The following EYS variants were observed in gnomAD, a reference collection of about 807,000 sequenced individuals.
EYS encodes protein eyes shut homolog.
EYS carries 250 observed loss-of-function variants against 282.1 expected under a neutral mutation model. The ratio of observed to expected loss-of-function variants is 0.89; its 90% CI spans 0.80 to 0.98. The LOEUF (loss-of-function observed/expected upper bound fraction) is 0.98, where lower values mean the gene tolerates loss of function less well. Among genes scored for constraint, EYS ranks in the 50% least tolerant of loss-of-function variants. The pLI is 0.00. For missense variants in EYS, 4,016 were observed against 3,709.0 expected (o/e 1.08, Z -2.15); for synonymous variants, 1,355 against 1,282.9 (o/e 1.06, Z -1.20).
At chr6:65,194,682 G>C (rs550977620) in intron 12 of EYS, among the ~76,000 whole-genome samples, 32 of 152,014 alleles carry the variant, frequency 2.1e-4, no homozygotes, top group African/African-American at 7.7e-4. Flanking sequence ...TGTGAGGAGG[G>C]AGAATTCCTT....
At chr6:65,611,212 C>A (rs1765987746) in intron 2 of EYS, among the ~76,000 whole-genome samples, 1 of 151,252 alleles carries the variant, frequency 6.6e-6, no homozygotes, top group African/African-American at 2.4e-5. Context: ...CTTGGCTACC[C>A]TTCCTTGGTA....
intron 13 of EYS, among the ~76,000 whole-genome samples, chr6:65,010,997 C>T (rs1771848531): frequency 1.3e-5 from 2 of 152,134 alleles, no homozygotes; most frequent in Non-Finnish European, 2.9e-5. Context: ...AAGGCAGGAC[C>T]CTCCATTAGA....
At chr6:64,866,518 C>T (rs533763227) in intron 19 of EYS, among the ~76,000 whole-genome samples, 151 of 151,828 alleles carry the variant, frequency 9.9e-4, no homozygotes, top group Non-Finnish European at 2.0e-3. Flanking sequence ...ATATTTAAAG[C>T]AATAGAATTT....
intron 7 of EYS, among the ~76,000 whole-genome samples, chr6:65,399,328 T>C (rs1323796241): frequency 6.6e-6 from 1 of 151,998 alleles, no homozygotes; most frequent in African/African-American, 2.4e-5. Context: ...AACAAATTAG[T>C]CATTTCATGT....
At chr6:64,222,326 G>A (rs1023936153) in intron 31 of EYS, among the ~76,000 whole-genome samples, 1 of 151,928 alleles carries the variant, frequency 6.6e-6, no homozygotes, top group Non-Finnish European at 1.5e-5. Flanking sequence ...AAGGCACATC[G>A]CATGTTGACA....
At chr6:64,213,457 C>T (rs955082206) in intron 31 of EYS, among the ~76,000 whole-genome samples, 1 of 151,860 alleles carries the variant, frequency 6.6e-6, no homozygotes, top group Admixed American at 6.6e-5. Flanking sequence ...GAGTTGGAAC[C>T]GATCAGAATA....
chr6:64,537,201 C>T (rs1264321704), intron 26 of EYS, among the ~76,000 whole-genome samples: 8 of 133,688 alleles, frequency 6.0e-5, no homozygotes, highest in Admixed American at 1.7e-4. Flanking sequence ...TATTCCCCTT[C>T]CTGTGTCCAT....
intron 24 of EYS, among the ~76,000 whole-genome samples, chr6:64,597,654 T>C (rs1470134660): frequency 2.0e-5 from 3 of 149,392 alleles, no homozygotes; most frequent in East Asian, 4.0e-4. Context: ...GGGAGCTAAA[T>C]AATGTGTACA....
intron 19 of EYS, among the ~76,000 whole-genome samples, chr6:64,839,537 T>A (rs1174904278): frequency 1.3e-5 from 2 of 152,090 alleles, no homozygotes; most frequent in Non-Finnish European, 2.9e-5. Flanking sequence ...ATTTAATTTG[T>A]TTAAAAGTTT....
rs541841924 is a variant in EYS, at chr6:65,160,988, T to G, written c.2024-103261A>C. Among the ~76,000 whole-genome samples, 17 of 150,724 alleles carry G rather than the reference T, an allele frequency of 1.1e-4. 1 individual carries two copies. In the South Asian group the frequency reaches 3.5e-3, roughly 31 times the overall value. ...CTATCTCTTCTCATCTACACTCTTT[T>G]TCTACATCTACACTGATTTTTCTAA... On this transcript the variant is annotated intron_variant, in intron 12 of 42. Coordinates refer to ENST00000503581, the MANE Select transcript of EYS (RefSeq NM_001142800.2).
intron 11 of EYS, chr6:65,332,309 G>T: frequency 1.4e-6 from 1 of 709,652 alleles, no homozygotes. Context: ...TTGATTTTAA[G>T]CCACTAAATC....
intron 34 of EYS, among the ~76,000 whole-genome samples, chr6:63,994,250 T>C (rs1364340007): frequency 7.9e-5 from 12 of 151,930 alleles, no homozygotes; most frequent in Non-Finnish European, 1.5e-4. Flanking sequence ...ATTTACACTA[T>C]ATAATTACAC....
intron 26 of EYS, among the ~76,000 whole-genome samples, chr6:64,478,607 T>C (rs1337650854): frequency 6.6e-6 from 1 of 151,018 alleles, no homozygotes; most frequent in African/African-American, 2.4e-5. Flanking sequence ...ATAATACTAA[T>C]ATTTATATAG....
intron 2 of EYS, among the ~76,000 whole-genome samples, chr6:65,579,796 T>C (rs141633903): frequency 2.4e-3 from 368 of 152,250 alleles, no homozygotes; most frequent in African/African-American, 8.3e-3. Flanking sequence ...TTGCAACATA[T>C]GAATTTTGAG....
intron 31 of EYS, among the ~76,000 whole-genome samples, chr6:64,183,568 G>A (rs769491585): frequency 6.6e-6 from 1 of 152,126 alleles, no homozygotes; most frequent in Non-Finnish European, 1.5e-5. Flanking sequence ...AAGAAACAAA[G>A]TTTGTAATAA....
At chr6:63,741,441 C>CA (rs1769073305) in intron 41 of EYS, among the ~76,000 whole-genome samples, 1 of 151,994 alleles carries the variant, frequency 6.6e-6, no homozygotes, top group African/African-American at 2.4e-5. Flanking sequence ...TATGTGTTCT[C>CA]AAAACACTTA....
At chr6:63,814,222 G>A (rs1228728359) in intron 36 of EYS, among the ~76,000 whole-genome samples, 2 of 152,174 alleles carry the variant, frequency 1.3e-5, no homozygotes, top group African/African-American at 4.8e-5. Flanking sequence ...CTACAAATGT[G>A]ATTATTTTTT....
At chr6:64,602,732 T>A (rs1187156143) in intron 24 of EYS, among the ~76,000 whole-genome samples, 1 of 152,048 alleles carries the variant, frequency 6.6e-6, no homozygotes, top group Non-Finnish European at 1.5e-5. Context: ...TAAACATGCA[T>A]CAAGAAACAT....
intron 24 of EYS, 146 bp from the exon 25 acceptor site, chr6:64,593,455 C>T (rs1313144779): frequency 1.5e-5 from 9 of 597,002 alleles, no homozygotes; most frequent in Non-Finnish European, 2.4e-5. Context: ...ATTAAATCTC[C>T]ATAGTAAATT....
Sources: gnomAD v4.1 joint callset for allele counts (sites outside exome capture counted in the v4.1 genomes callset) on GRCh38, gnomAD v4.1.1 for gene constraint, MANE v1.5 for transcripts, NCBI Gene and HGNC (gene_info 2026-07-23, HGNC 2026-07-21) for gene names.